The following TENM3 variants were observed in gnomAD, a reference collection of about 807,000 sequenced individuals.
TENM3 encodes teneurin transmembrane protein 3, also known as teneurin-3.
In TENM3, 63 loss-of-function variants were observed where a neutral mutation model predicts 255.1. That is an observed-to-expected ratio of 0.25 (90% CI 0.20 to 0.30). The LOEUF (loss-of-function observed/expected upper bound fraction) is 0.30, where lower values mean the gene tolerates loss of function less well. Ranked by LOEUF, TENM3 falls within the 10% of genes least tolerant of loss-of-function variation. The pLI is 1.00. For missense variants in TENM3, 2,929 were observed against 3,461.1 expected (o/e 0.85, Z 3.86); for synonymous variants, 1,306 against 1,322.3 (o/e 0.99, Z 0.27).
chr4:182,584,515 C>T (rs1405602354), intron 3 of TENM3, among the ~76,000 whole-genome samples: 3 of 152,176 alleles, frequency 2.0e-5, no homozygotes, highest in Non-Finnish European at 2.9e-5. Flanking sequence ...ACTCTGCATA[C>T]ACAGGGAATT....
the TENM3 span, among the ~76,000 whole-genome samples, chr4:182,135,814 C>T: frequency 6.6e-6 from 1 of 152,136 alleles, no homozygotes. Context: ...TGAAACTCAC[C>T]TCTCTGCTTA....
intron 3 of TENM3, among the ~76,000 whole-genome samples, chr4:182,530,522 G>A (rs1410563506): frequency 3.3e-5 from 5 of 152,116 alleles, no homozygotes; most frequent in Non-Finnish European, 7.3e-5. Context: ...TAGTACTAGC[G>A]ACATTTCGAG....
At chr4:182,597,992 C>T (rs1747434628) in intron 3 of TENM3, among the ~76,000 whole-genome samples, 1 of 152,030 alleles carries the variant, frequency 6.6e-6, no homozygotes. Flanking sequence ...CCAGTCTGGG[C>T]AACATAGTGA....
the TENM3 span, among the ~76,000 whole-genome samples, chr4:181,572,406 G>T: frequency 6.6e-6 from 1 of 152,038 alleles, no homozygotes; most frequent in African/African-American, 2.4e-5. Context: ...ACTAAAGTAG[G>T]TCTATATTCA....
chr4:182,093,522 T>C, the TENM3 span, among the ~76,000 whole-genome samples: 16 of 152,102 alleles, frequency 1.1e-4, 1 homozygote, highest in African/African-American at 3.6e-4. Context: ...TAGGAACACG[T>C]GTGCAGGAGG....
At chr4:182,301,897 GT>G (rs1433281540) in intron 1 of TENM3, among the ~76,000 whole-genome samples, 1 of 152,190 alleles carries the variant, frequency 6.6e-6, no homozygotes, top group Non-Finnish European at 1.5e-5. Context: ...CAGCGATCCA[GT>G]TCTGCAGAAG....
chr4:182,027,344 G>A, the TENM3 span, among the ~76,000 whole-genome samples: 2 of 152,022 alleles, frequency 1.3e-5, no homozygotes, highest in African/African-American at 4.8e-5. Flanking sequence ...AACTTAACTG[G>A]ATTTGTGTAT....
At chr4:182,755,765 G>A (rs866223205) in intron 22 of TENM3, among the ~76,000 whole-genome samples, 5 of 151,780 alleles carry the variant, frequency 3.3e-5, no homozygotes, top group Non-Finnish European at 7.4e-5. Flanking sequence ...GCGTGAACCC[G>A]GGAGGCGCAG....
chr4:181,801,906 C>T, the TENM3 span, among the ~76,000 whole-genome samples: 1 of 151,740 alleles, frequency 6.6e-6, no homozygotes, highest in African/African-American at 2.4e-5. Context: ...TGAACTTTGT[C>T]CTTGTTCATA....
chr4:182,291,732 A>G (rs11733836), intron 1 of TENM3, among the ~76,000 whole-genome samples: 37,972 of 152,030 alleles, frequency 0.25, 5,908 homozygotes, highest in African/African-American at 0.43. Context: ...TGTCTTCTCC[A>G]AGGATGTGAT....
At chr4:182,164,893 A>G (rs1048974581) in intron 1 of TENM3, among the ~76,000 whole-genome samples, 2 of 152,124 alleles carry the variant, frequency 1.3e-5, no homozygotes, top group Admixed American at 6.5e-5. Context: ...CTGCTGTTCT[A>G]TCATTGAATA....
chr4:182,324,274 A>AT, intron 2 of TENM3, 22 bp downstream of exon 2: 1 of 1,537,152 alleles, frequency 6.5e-7, no homozygotes. Flanking sequence ...TCCTAGTAAA[A>AT]TAAGGCAATG....
chr4:181,754,406 G>A, the TENM3 span, among the ~76,000 whole-genome samples: 1,884 of 151,778 alleles, frequency 0.012, 43 homozygotes, highest in African/African-American at 0.043. Flanking sequence ...ATTTTTGTCA[G>A]GAAAATACAA....
chr4:181,805,362 C>T, the TENM3 span, among the ~76,000 whole-genome samples: 1 of 152,024 alleles, frequency 6.6e-6, no homozygotes, highest in Non-Finnish European at 1.5e-5. Context: ...TACCTCCCTG[C>T]GGTGGAAGCC....
At chr4:182,576,976 G>A (rs1340632910) in intron 3 of TENM3, among the ~76,000 whole-genome samples, 1 of 152,092 alleles carries the variant, frequency 6.6e-6, no homozygotes, top group Non-Finnish European at 1.5e-5. Flanking sequence ...CCTGCCTCTT[G>A]CGAGTTCTCC....
At chr4:182,743,602 A>G (rs1442918521) in intron 19 of TENM3, among the ~76,000 whole-genome samples, 183 bp downstream of exon 19, 4 of 152,234 alleles carry the variant, frequency 2.6e-5, no homozygotes, top group African/African-American at 7.2e-5. Flanking sequence ...AAATTGTCCC[A>G]TAAGTGTATT....
rs966765235 is a variant in TENM3, at chr4:182,386,893, C to A, written c.511+39964C>A. 2.6e-5 allele frequency among the ~76,000 whole-genome samples: 4 copies of A among 152,222 alleles called. No individual in the cohort carries two copies. The East Asian group carries it at 5.8e-4, about 22-fold the overall frequency. ...CCGACGAATGCCGCCCCCTGTTCCA[C>A]GGCGCCCAGTCCCATCGACCGCCCA... is the stretch of plus-strand genomic sequence containing the variant. On this transcript the variant is annotated intron_variant, in intron 3 of 27. Transcript: ENST00000511685.
At chr4:181,984,611 T>C in the TENM3 span, among the ~76,000 whole-genome samples, 1 of 152,090 alleles carries the variant, frequency 6.6e-6, no homozygotes. Context: ...AAACCTTATA[T>C]TATTTGCCTA....
chr4:181,933,677 A>G, the TENM3 span, among the ~76,000 whole-genome samples: 2 of 152,200 alleles, frequency 1.3e-5, no homozygotes, highest in Non-Finnish European at 2.9e-5. Flanking sequence ...CCAGCTTGGA[A>G]GCATTTTGTG....
Sources: allele counts gnomAD v4.1 joint callset (sites outside exome capture counted in the v4.1 genomes callset), GRCh38; gene constraint gnomAD v4.1.1; transcripts MANE v1.5; gene names NCBI Gene and HGNC (gene_info 2026-07-23, HGNC 2026-07-21).